ZBTB16: variants seen among roughly 807,000 people sequenced by gnomAD.
ZBTB16 encodes zinc finger and BTB domain-containing protein 16.
ZBTB16 carries 8 observed loss-of-function variants against 56.8 expected under a neutral mutation model. That is an observed-to-expected ratio of 0.14 (90% CI 0.08 to 0.25). The LOEUF (loss-of-function observed/expected upper bound fraction) is 0.25, where lower values mean the gene tolerates loss of function less well. ZBTB16 is among the 10% of genes least tolerant of loss of function. ZBTB16 has a pLI of 1.00. For synonymous variants in ZBTB16, 363 were observed against 368.5 expected (o/e 0.98, Z 0.17); for missense variants, 625 against 903.0 (o/e 0.69, Z 3.95).
intron 2 of ZBTB16, among the ~76,000 whole-genome samples, chr11:114,139,688 G>T (rs1286488798): frequency 1.3e-5 from 2 of 149,532 alleles, no homozygotes; most frequent in African/African-American, 5.0e-5. Flanking sequence ...TATGGAAGGT[G>T]CCAGTTTCTG....
At chr11:114,213,894 T>C (rs2135135698) in intron 4 of ZBTB16, among the ~76,000 whole-genome samples, 1 of 152,326 alleles carries the variant, frequency 6.6e-6, no homozygotes, top group South Asian at 2.1e-4. Flanking sequence ...TGATCCACCA[T>C]GAATGACTGC....
chr11:114,213,046 C>T (rs1944026595), intron 4 of ZBTB16, among the ~76,000 whole-genome samples: 1 of 151,926 alleles, frequency 6.6e-6, no homozygotes. Context: ...TGTCTGTTCC[C>T]CCATCCCCCC....
At chr11:114,137,063 G>A (rs1197704537) in intron 2 of ZBTB16, among the ~76,000 whole-genome samples, 1 of 152,104 alleles carries the variant, frequency 6.6e-6, no homozygotes, top group African/African-American at 2.4e-5. Flanking sequence ...TGCATAGAGG[G>A]CCCAGGGACC....
chr11:114,218,444 T>C (rs1334171584), intron 4 of ZBTB16, among the ~76,000 whole-genome samples: 6 of 152,192 alleles, frequency 3.9e-5, no homozygotes, highest in East Asian at 1.9e-4. Flanking sequence ...GATCCTAGAA[T>C]GAGCACTCCA....
chr11:114,113,898 T>C (rs1941095443), intron 2 of ZBTB16, among the ~76,000 whole-genome samples: 1 of 152,238 alleles, frequency 6.6e-6, no homozygotes, highest in Non-Finnish European at 1.5e-5. Flanking sequence ...TTTATTCAAT[T>C]AGTCAACACA....
At chr11:114,246,607 T>C (rs1254303458) in intron 5 of ZBTB16, among the ~76,000 whole-genome samples, 1 of 152,178 alleles carries the variant, frequency 6.6e-6, no homozygotes, top group Non-Finnish European at 1.5e-5. Flanking sequence ...TCATTCTGCC[T>C]GGGGAACTAA....
intron 1 of ZBTB16, among the ~76,000 whole-genome samples, chr11:114,061,784 C>T (rs1007869243): frequency 1.4e-4 from 22 of 152,156 alleles, no homozygotes; most frequent in African/African-American, 5.1e-4. Flanking sequence ...GTCTTCCCTT[C>T]GTACTGGTTG....
chr11:114,172,283 C>T (rs1243734474), intron 3 of ZBTB16, among the ~76,000 whole-genome samples: 3 of 152,182 alleles, frequency 2.0e-5, no homozygotes, highest in Non-Finnish European at 4.4e-5. Flanking sequence ...GAACACTTTG[C>T]CTTAGAAGGA....
intron 2 of ZBTB16, among the ~76,000 whole-genome samples, chr11:114,115,653 T>G (rs750246781): frequency 3.3e-5 from 5 of 152,212 alleles, no homozygotes; most frequent in African/African-American, 4.8e-5. Flanking sequence ...GGGATCTGTC[T>G]TCTTTCAGAG....
At chr11:114,153,227 G>A (rs1448456593) in intron 2 of ZBTB16, among the ~76,000 whole-genome samples, 3 of 152,130 alleles carry the variant, frequency 2.0e-5, no homozygotes, top group Non-Finnish European at 4.4e-5. Flanking sequence ...TTAAAGATAC[G>A]AGCAAACCAG....
At chr11:114,233,429 T>C (rs1944499874) in intron 4 of ZBTB16, among the ~76,000 whole-genome samples, 1 of 152,040 alleles carries the variant, frequency 6.6e-6, no homozygotes, top group African/African-American at 2.4e-5. Context: ...TTGATTTGGC[T>C]TCTTGCAACT....
chr11:114,063,984 T>C lies in ZBTB16; in HGVS notation c.684T>C (p.Thr228=), dbSNP rs766251161. Residue 228 remains threonine (T), a synonymous_variant, in exon 2 of 7, where the codon ACT becomes ACC. Coordinates refer to ENST00000335953, the MANE Select transcript of ZBTB16 (RefSeq NM_006006.6). The surrounding 1 kb of genome is among the most constrained non-coding windows in gnomAD (Gnocchi z 6.5). The stretch of plus-strand genomic sequence containing the variant: ...CACCTGCAGGGCCCGAGGAGCCAAC[T>C]CTGGCTGGGGGTGGGCGGCACCCTG... The part of the protein sequence containing the change: ...LQPPAGPEEP[T]LAGGGRHPGV... 2.8e-5 allele frequency: 45 copies of C among 1,613,404 alleles called. No homozygotes were observed. Among genetic ancestry groups the C allele is most frequent in the Non-Finnish European group, 3.4e-5 (40 of 1,179,814 alleles).
intron 4 of ZBTB16, among the ~76,000 whole-genome samples, chr11:114,216,400 G>C (rs506880): frequency 6.6e-6 from 1 of 151,804 alleles, no homozygotes; most frequent in South Asian, 2.1e-4. Flanking sequence ...CCCTTACTAG[G>C]CTGATAAATT....
At chr11:114,193,457 C>T (rs1383958120) in intron 4 of ZBTB16, among the ~76,000 whole-genome samples, 1 of 152,158 alleles carries the variant, frequency 6.6e-6, no homozygotes, top group African/African-American at 2.4e-5. Context: ...GTTTTACCCT[C>T]AGGATAGGGC....
rs1473672353 is a variant in ZBTB16 at position 114,255,769 on chromosome 11, G to T, written c.*5214G>T. ...AGAAAAAATGAATTTACTGCTGCAG[G>T]TTTTTTTCTCTCTCCATGTGTCACT... On this transcript the variant is annotated 3_prime_UTR_variant, in exon 7 of 7. Transcript: ENST00000335953. Among the ~76,000 whole-genome samples, 2 of 151,114 alleles carry T rather than the reference G, an allele frequency of 1.3e-5. No homozygotes were observed. Among genetic ancestry groups the T allele is most frequent in the East Asian group, 3.9e-4 (2 of 5,184 alleles).
intron 2 of ZBTB16, among the ~76,000 whole-genome samples, chr11:114,101,174 T>A (rs1177273579): frequency 6.6e-6 from 1 of 152,120 alleles, no homozygotes; most frequent in Non-Finnish European, 1.5e-5. Context: ...CCTGCTAATT[T>A]TTAAGTTTTT....
At chr11:114,124,085 G>A (rs1672676) in intron 2 of ZBTB16, among the ~76,000 whole-genome samples, 6,693 of 152,102 alleles carry the variant, frequency 0.044, 187 homozygotes, top group Middle Eastern at 0.075. Flanking sequence ...GGAGATGGTC[G>A]GGGGTAATGG....
At chr11:114,241,806 C>T (rs1347925525) in intron 4 of ZBTB16, among the ~76,000 whole-genome samples, 1 of 152,152 alleles carries the variant, frequency 6.6e-6, no homozygotes, top group Non-Finnish European at 1.5e-5. Flanking sequence ...GTCTACCTTG[C>T]CTCCCCCACT....
At chr11:114,207,636 CAG>C (rs2135121423) in intron 4 of ZBTB16, among the ~76,000 whole-genome samples, 1 of 150,470 alleles carries the variant, frequency 6.6e-6, no homozygotes, top group East Asian at 2.0e-4. Flanking sequence ...CATATTGAGG[CAG>C]AGTTTCACTT....
Sources: gnomAD v4.1 joint callset for allele counts (sites outside exome capture counted in the v4.1 genomes callset) on GRCh38, gnomAD v4.1.1 for gene constraint, Gnocchi (gnomAD v3.1) non-coding constraint, MANE v1.5 for transcripts, NCBI Gene and HGNC (gene_info 2026-07-23, HGNC 2026-07-21) for gene names.